SCFD2: variants seen among roughly 807,000 people sequenced by gnomAD.
SCFD2 encodes sec1 family domain-containing protein 2.
Under a neutral mutation model 58.9 loss-of-function variants are expected in SCFD2, and 54 were observed. The observed-to-expected ratio is 0.92, with a 90% CI of 0.74 to 1.15. The LOEUF (loss-of-function observed/expected upper bound fraction) is 1.15. Ranked by LOEUF, SCFD2 falls within the 50% of genes most tolerant of loss-of-function variation. SCFD2 has a pLI of 0.00. For synonymous variants in SCFD2, 321 were observed against 335.9 expected (o/e 0.96, Z 0.49); for missense variants, 805 against 836.6 (o/e 0.96, Z 0.47).
intron 5 of SCFD2, among the ~76,000 whole-genome samples, chr4:53,026,854 A>T (rs1354521869): frequency 2.0e-5 from 3 of 152,236 alleles, no homozygotes; most frequent in African/African-American, 7.2e-5. Context: ...AAAAGGCAAG[A>T]AATGGAGAAT....
intron 5 of SCFD2, among the ~76,000 whole-genome samples, chr4:52,984,805 T>G (rs1205387321): frequency 2.0e-5 from 3 of 152,244 alleles, no homozygotes; most frequent in Non-Finnish European, 4.4e-5. Flanking sequence ...CCTCTTTTCC[T>G]CATGGGCTGT....
At chr4:53,150,283 C>T (rs567950875) in intron 4 of SCFD2, among the ~76,000 whole-genome samples, 1 of 152,208 alleles carries the variant, frequency 6.6e-6, no homozygotes, top group African/African-American at 2.4e-5. Context: ...CTCCTCACAA[C>T]CAGAGCCATC....
chr4:53,067,655 TGAA>T (rs2148846383), intron 5 of SCFD2, among the ~76,000 whole-genome samples: 1 of 152,196 alleles, frequency 6.6e-6, no homozygotes, highest in African/African-American at 2.4e-5. Context: ...TGCTGTCATG[TGAA>T]GAAGGACATG....
At chr4:53,236,836 A>G (rs1729633329) in intron 4 of SCFD2, among the ~76,000 whole-genome samples, 1 of 140,618 alleles carries the variant, frequency 7.1e-6, no homozygotes, top group Non-Finnish European at 1.6e-5. Flanking sequence ...TTATTTATTT[A>G]TTTATTTATT....
chr4:53,263,232 C>T (rs748599701), intron 4 of SCFD2, among the ~76,000 whole-genome samples: 1 of 152,018 alleles, frequency 6.6e-6, no homozygotes, highest in South Asian at 2.1e-4. Context: ...TAATAATCGA[C>T]CTTCGAATTC....
intron 5 of SCFD2, among the ~76,000 whole-genome samples, chr4:52,970,587 G>T (rs1041833885): frequency 2.0e-5 from 3 of 152,224 alleles, no homozygotes; most frequent in African/African-American, 7.2e-5. Flanking sequence ...CTCCACCCCT[G>T]GGGGCAGGGA....
intron 4 of SCFD2, among the ~76,000 whole-genome samples, chr4:53,219,512 C>G (rs564174740): frequency 5.9e-5 from 9 of 152,028 alleles, no homozygotes; most frequent in Non-Finnish European, 1.3e-4. Context: ...GGGAGTGAAC[C>G]GATTTTCCAG....
At chr4:53,331,241 C>G (rs1381334770) in intron 2 of SCFD2, among the ~76,000 whole-genome samples, 1 of 150,804 alleles carries the variant, frequency 6.6e-6, no homozygotes, top group Admixed American at 6.6e-5. Flanking sequence ...CTGCACCAAG[C>G]GGACCTAATA....
chr4:53,190,745 C>T (rs1218103045), intron 4 of SCFD2, among the ~76,000 whole-genome samples: 4 of 152,018 alleles, frequency 2.6e-5, no homozygotes, highest in Admixed American at 1.3e-4. Flanking sequence ...AATAAATGAA[C>T]GAAGAAATAT....
At chr4:52,898,067 T>C (rs1392235712) in intron 7 of SCFD2, among the ~76,000 whole-genome samples, 5 of 152,234 alleles carry the variant, frequency 3.3e-5, no homozygotes, top group Non-Finnish European at 7.3e-5. Context: ...TTAGTTTTGC[T>C]AGCAGTCTAT....
At chr4:53,229,688 T>C (rs1729363265) in intron 4 of SCFD2, among the ~76,000 whole-genome samples, 1 of 152,134 alleles carries the variant, frequency 6.6e-6, no homozygotes, top group Non-Finnish European at 1.5e-5. Flanking sequence ...ACCTAGGCAA[T>C]ACCATTCAGG....
intron 5 of SCFD2, among the ~76,000 whole-genome samples, chr4:53,015,496 A>T (rs1210508228): frequency 6.6e-6 from 1 of 152,216 alleles, no homozygotes; most frequent in Non-Finnish European, 1.5e-5. Flanking sequence ...AATCAGGGCA[A>T]GCTTCCCAGG....
intron 5 of SCFD2, among the ~76,000 whole-genome samples, chr4:52,974,377 C>T (rs1306576777): frequency 6.6e-6 from 1 of 152,120 alleles, no homozygotes; most frequent in African/African-American, 2.4e-5. Flanking sequence ...ACACCAATAA[C>T]AGACAAACAG....
In SCFD2 at chr4:53,058,150, A is replaced by G. The variant is rs140966031; in HGVS notation, c.1561+87183T>C. On this transcript the variant is annotated intron_variant, in intron 5 of 8. Coordinates refer to ENST00000401642, the MANE Select transcript of SCFD2 (RefSeq NM_152540.4). ...CAAATATGATTAATTTTAACATTCT[A>G]TCTTAAATAATGTTAAGGCAGAGGT... Among the ~76,000 whole-genome samples the G allele has an allele frequency of 3.9e-5, 6 of 152,308 alleles. No homozygotes were observed. The East Asian group carries it at 1.2e-3, about 29-fold the overall frequency.
intron 5 of SCFD2, among the ~76,000 whole-genome samples, chr4:53,125,813 A>G (rs1376241632): frequency 6.6e-6 from 1 of 152,246 alleles, no homozygotes; most frequent in African/African-American, 2.4e-5. Context: ...GGGCCTGATC[A>G]CTAAAGGGAG....
intron 2 of SCFD2, among the ~76,000 whole-genome samples, chr4:53,342,318 AT>A (rs1733906482): frequency 6.6e-6 from 1 of 152,212 alleles, no homozygotes; most frequent in South Asian, 2.1e-4. Context: ...CTAGTCTTGG[AT>A]AAAACAGACT....
At chr4:53,009,352 C>G (rs188761960) in intron 5 of SCFD2, among the ~76,000 whole-genome samples, 1 of 152,274 alleles carries the variant, frequency 6.6e-6, no homozygotes, top group African/African-American at 2.4e-5. Context: ...TTGGTAAATA[C>G]TGGTTGAGAA....
chr4:53,246,526 G>T (rs1249852878), intron 4 of SCFD2, among the ~76,000 whole-genome samples: 2 of 152,052 alleles, frequency 1.3e-5, no homozygotes, highest in South Asian at 4.2e-4. Flanking sequence ...AGAATAGAGA[G>T]CCCAGAAATA....
chr4:53,100,806 A>G (rs1724811538), intron 5 of SCFD2, among the ~76,000 whole-genome samples: 1 of 152,142 alleles, frequency 6.6e-6, no homozygotes, highest in Non-Finnish European at 1.5e-5. Context: ...TCTCTTTTTT[A>G]GTGAATGTAG....
Sources: gnomAD v4.1 joint callset for allele counts (sites outside exome capture counted in the v4.1 genomes callset) on GRCh38, gnomAD v4.1.1 for gene constraint, MANE v1.5 for transcripts, NCBI Gene and HGNC (gene_info 2026-07-23, HGNC 2026-07-21) for gene names.